The following SLFN12L variants were observed in gnomAD, a reference collection of about 807,000 sequenced individuals.
The protein encoded by SLFN12L is schlafen family member 12-like.
A neutral mutation model predicts 34.8 loss-of-function variants in SLFN12L; 34 were observed. The ratio of observed to expected loss-of-function variants is 0.98; its 90% CI spans 0.74 to 1.30. The LOEUF is 1.30. Ranked by LOEUF, SLFN12L falls within the 50% of genes most tolerant of loss-of-function variation. The pLI is 0.00. For missense variants in SLFN12L, 703 were observed against 696.2 expected (o/e 1.01, Z -0.11); for synonymous variants, 259 against 247.5 (o/e 1.05, Z -0.44).
rs771117444 is a variant in SLFN12L, at chr17:35,489,533, GAC to G, written c.87-9340_87-9339del. Among the ~76,000 whole-genome samples the G allele has an allele frequency of 2.6e-5, 4 of 152,160 alleles. No homozygotes were observed. The South Asian group carries it at 6.3e-4, about 24-fold the overall frequency. On this transcript the variant is annotated intron_variant, in intron 2 of 4. Transcript: ENST00000628453. ...CAGGCTACTGCACTCCAGCCTGAGC[GAC>G]AGAGTGAAACCCTGTCCGTATATAT...
intron 2 of SLFN12L, among the ~76,000 whole-genome samples, chr17:35,497,279 T>A (rs980706840): frequency 2.0e-5 from 3 of 152,022 alleles, no homozygotes; most frequent in African/African-American, 7.3e-5. Flanking sequence ...TAATCCCAGC[T>A]ACTGGGGAGG....
intron 2 of SLFN12L, chr17:35,498,761 C>A: frequency 8.8e-7 from 1 of 1,136,120 alleles, no homozygotes; most frequent in Non-Finnish European, 1.3e-6. Context: ...TCCAAAGTGA[C>A]AGCTATACTG....
rs748575317 is a variant in SLFN12L, at chr17:35,471,622, C to G, written c.*3301G>C. The stretch of plus-strand genomic sequence containing the variant: ...AAGCATTCCTATTTCTCCACAGCCT[C>G]GCCGTGCAGTGGAGACTTTTTAATA... On this transcript the variant is annotated 3_prime_UTR_variant, in exon 5 of 5. Transcript: ENST00000628453. 4.0e-5 allele frequency among the ~76,000 whole-genome samples: 6 copies of G among 151,672 alleles called. No individual in the cohort carries two copies. Among genetic ancestry groups the G allele is most frequent in the Non-Finnish European group, 5.9e-5 (4 of 67,812 alleles).
chr17:35,491,402 T>A (rs557517255), intron 2 of SLFN12L, among the ~76,000 whole-genome samples: 17 of 152,352 alleles, frequency 1.1e-4, no homozygotes, highest in Admixed American at 2.0e-4. Flanking sequence ...ATGAATTTTT[T>A]AAAAATTAAT....
chr17:35,475,943 A>G (rs1597827321), intron 4 of SLFN12L, among the ~76,000 whole-genome samples: 1 of 144,448 alleles, frequency 6.9e-6, no homozygotes, highest in African/African-American at 2.5e-5. Context: ...ATTTATATAT[A>G]TGTATATATA....
At chr17:35,487,974 T>C (rs2142137670) in intron 2 of SLFN12L, 7 of 676,382 alleles carry the variant, frequency 1.0e-5, no homozygotes, top group Non-Finnish European at 1.6e-5. Context: ...TTTGGGAGGC[T>C]GAGGAGGGTG....
chr17:35,497,996 C>T (rs934349740), intron 2 of SLFN12L, among the ~76,000 whole-genome samples: 19 of 152,134 alleles, frequency 1.2e-4, no homozygotes, highest in African/African-American at 4.3e-4. Flanking sequence ...CCAGCCTGTA[C>T]AACATAGCGA....
intron 2 of SLFN12L, chr17:35,489,951 G>A (rs1389802544): frequency 5.1e-6 from 7 of 1,372,606 alleles, no homozygotes; most frequent in Non-Finnish European, 7.2e-6. Flanking sequence ...CCCACAACCA[G>A]TCATGATTTT....
intron 2 of SLFN12L, among the ~76,000 whole-genome samples, chr17:35,489,796 C>T (rs904824790): frequency 6.6e-6 from 1 of 152,126 alleles, no homozygotes; most frequent in African/African-American, 2.4e-5. Flanking sequence ...GCACTTATTC[C>T]ATAGATCAAA....
rs761252207 is a variant in SLFN12L, at chr17:35,472,911, C to T, written c.*2012G>A. On this transcript the variant is annotated 3_prime_UTR_variant, in exon 5 of 5. Coordinates refer to ENST00000628453, the MANE Select transcript of SLFN12L (RefSeq NM_001363830.2). Reference sequence around the variant, plus strand: ...TCTAGGTATTTTATTCTCTTTTTAGCGATTGTGAATGTGAGTTCACTCATG... The same window carrying T: ...TCTAGGTATTTTATTCTCTTTTTAGTGATTGTGAATGTGAGTTCACTCATG... Among the ~76,000 whole-genome samples the T allele has an allele frequency of 3.9e-5, 6 of 152,126 alleles. No individual in the cohort carries two copies. Among genetic ancestry groups the T allele is most frequent in the South Asian group, 4.1e-4 (2 of 4,820 alleles).
chr17:35,505,918 T>C (rs971844776), intron 2 of SLFN12L, among the ~76,000 whole-genome samples: 2 of 152,168 alleles, frequency 1.3e-5, no homozygotes, highest in African/African-American at 4.8e-5. Flanking sequence ...CTGTTCCCAG[T>C]GTATATATCA....
rs983358159 is a variant in SLFN12L, at chr17:35,469,825, C to T, written c.*5098G>A. On this transcript the variant is annotated 3_prime_UTR_variant, in exon 5 of 5. Transcript: ENST00000628453. ...GGCCATGTAACAGACAACTGGGGAC[C>T]GTCCCTAGGCCCCAAAGCCCATCAG... 6.6e-6 allele frequency among the ~76,000 whole-genome samples: 1 copy of T among 152,152 alleles called. No individual in the cohort carries two copies. Among genetic ancestry groups the T allele is most frequent in the Admixed American group, 6.5e-5 (1 of 15,278 alleles).
chr17:35,516,965 T>G (rs1915847747), intron 2 of SLFN12L, among the ~76,000 whole-genome samples: 1 of 152,216 alleles, frequency 6.6e-6, no homozygotes, highest in South Asian at 2.1e-4. Flanking sequence ...TGAATCCCAG[T>G]GTCTATTTTA....
rs1040865776 is a variant in SLFN12L, at chr17:35,467,274, C to T, written c.*7649G>A. 1.3e-5 allele frequency among the ~76,000 whole-genome samples: 2 copies of T among 152,196 alleles called. No homozygotes were observed. The highest frequency in any genetic ancestry group is 2.9e-5 in the Non-Finnish European group (2 of 68,030). On this transcript the variant is annotated 3_prime_UTR_variant, in exon 5 of 5. Transcript: ENST00000628453. ...GTGGAATATTACCGAATGCTGGATGCCCTGGCCAACAAATGGCCCCATCTC... is the reference window on the plus strand; with the variant it reads ...GTGGAATATTACCGAATGCTGGATGTCCTGGCCAACAAATGGCCCCATCTC...
intron 1 of SLFN12L, among the ~76,000 whole-genome samples, chr17:35,531,661 G>A (rs1185203887): frequency 6.6e-6 from 1 of 151,952 alleles, no homozygotes; most frequent in African/African-American, 2.4e-5. Flanking sequence ...TTGTTGCCCA[G>A]GCTGGAGTGC....
chr17:35,518,549 T>A (rs1481622810), intron 2 of SLFN12L, among the ~76,000 whole-genome samples: 13 of 137,888 alleles, frequency 9.4e-5, no homozygotes, highest in South Asian at 2.3e-4. Flanking sequence ...AGACTGTATT[T>A]AAAAAAAAAA....
intron 1 of SLFN12L, among the ~76,000 whole-genome samples, chr17:35,536,250 A>T (rs1597892356): frequency 6.6e-6 from 1 of 152,212 alleles, no homozygotes; most frequent in East Asian, 1.9e-4. Context: ...TTGTGATAGC[A>T]TTTATTTTAT....
rs796071289 is a variant in SLFN12L, at chr17:35,474,697, G to C, written c.*226C>G. On this transcript the variant is annotated 3_prime_UTR_variant, in exon 5 of 5. Coordinates refer to ENST00000628453, the MANE Select transcript of SLFN12L (RefSeq NM_001363830.2). ...AGCACTTTGGGAGACCGGGGGGGGGGGTTGAATCACGAGGTCAGGAGTTCA... is the reference window on the plus strand; with the variant it reads ...AGCACTTTGGGAGACCGGGGGGGGGCGTTGAATCACGAGGTCAGGAGTTCA... The C allele has an allele frequency of 3.1e-5, 11 of 356,162 alleles. No homozygotes were observed. Among genetic ancestry groups the C allele is most frequent in the East Asian group, 5.3e-5 (1 of 18,806 alleles). The allele number at this position is 356,162 out of a possible 1,614,324, so 22.1% of individuals were successfully genotyped here.
rs1221289995 is a variant in SLFN12L at position 35,474,716 on chromosome 17, G to T, written c.*207C>A. On this transcript the variant is annotated 3_prime_UTR_variant, in exon 5 of 5. Coordinates refer to ENST00000628453, the MANE Select transcript of SLFN12L (RefSeq NM_001363830.2). ...GGGGGGGGTTGAATCACGAGGTCAGGAGTTCAAGACCAGCCTGGCCAAGAC... is the reference window on the plus strand; with the variant it reads ...GGGGGGGGTTGAATCACGAGGTCAGTAGTTCAAGACCAGCCTGGCCAAGAC... The T allele has an allele frequency of 1.3e-5, 5 of 384,218 alleles. No homozygotes were observed. Among genetic ancestry groups the T allele is most frequent in the Non-Finnish European group, 2.4e-5 (5 of 211,608 alleles). 23.8% of individuals were successfully genotyped at this position (384,218 alleles called of 1,614,324 possible).
Sources: gnomAD v4.1 joint callset for allele counts (sites outside exome capture counted in the v4.1 genomes callset) on GRCh38, gnomAD v4.1.1 for gene constraint, MANE v1.5 for transcripts, NCBI Gene and HGNC (gene_info 2026-07-23, HGNC 2026-07-21) for gene names.